IL5: variants seen among roughly 807,000 people sequenced by gnomAD.
IL5 encodes interleukin 5.
IL5 carries 12 observed loss-of-function variants against 16.3 expected under a neutral mutation model. The observed-to-expected ratio is 0.74, with a 90% CI of 0.47 to 1.20. The LOEUF (loss-of-function observed/expected upper bound fraction) is 1.20, where lower values mean the gene tolerates loss of function less well. IL5 is among the 50% of genes most tolerant of loss of function. The probability of loss-of-function intolerance (pLI) is 0.00; values close to 1 mark genes in which losing one functional copy is unlikely to be tolerated. For synonymous variants in IL5, 54 were observed against 56.6 expected (o/e 0.95, Z 0.21); for missense variants, 159 against 153.9 (o/e 1.03, Z -0.17).
At chr5:132,554,366 CAAAAA>C (rs70974050) in intron 1 of IL5, among the ~76,000 whole-genome samples, 3 of 80,980 alleles carry the variant, frequency 3.7e-5, no homozygotes, top group Non-Finnish European at 4.9e-5. Context: ...GACTCCATCT[CAAAAA>C]AAAAAAAAAA....
intron 1 of IL5, 35 bp downstream of exon 1, chr5:132,543,300 A>G: frequency 6.3e-7 from 1 of 1,580,490 alleles, no homozygotes; most frequent in Non-Finnish European, 8.7e-7. Context: ...TTACCTATGC[A>G]CTTTACAGAC....
chr5:132,542,425 G>T (rs1413898337), intron 2 of IL5, among the ~76,000 whole-genome samples: 1 of 152,056 alleles, frequency 6.6e-6, no homozygotes. Flanking sequence ...TTTTCAAAAA[G>T]TAGATGAAGC....
chr5:132,543,564 G>A (rs767003762), upstream of IL5: 31 of 1,362,144 alleles, frequency 2.3e-5, no homozygotes, highest in Non-Finnish European at 2.7e-5. Context: ...GTCTGTCTTT[G>A]AGGAAATGAA....
At chr5:132,545,917 CAAAA>C (rs933085461), upstream of IL5, among the ~76,000 whole-genome samples, 4 of 151,640 alleles carry the variant, frequency 2.6e-5, no homozygotes, top group African/African-American at 9.7e-5. Flanking sequence ...GAGACTGTCT[CAAAA>C]CAAACAAACA....
In IL5 at chr5:132,541,661, CAA is replaced by C. The variant is rs1749691503; in HGVS notation, c.*148_*149del. 1.9e-6 allele frequency: 1 copy of C among 513,564 alleles called. No homozygotes were observed. Among genetic ancestry groups the C allele is most frequent in the Non-Finnish European group, 3.4e-6 (1 of 291,894 alleles). 31.8% of individuals were successfully genotyped at this position (513,564 alleles called of 1,614,324 possible). ...ATTTTAAGAATTTTATGCTTTCTGG[CAA>C]AGTGTCAGTATGCCTGAAATATTTA... is the stretch of plus-strand genomic sequence containing the variant. On this transcript the variant is annotated 3_prime_UTR_variant, in exon 4 of 4. Coordinates refer to ENST00000231454, the MANE Select transcript of IL5 (RefSeq NM_000879.3).
rs780608901 is a variant in IL5, at chr5:132,541,846, C to T, written c.370G>A (p.Gly124Ser). Reference protein sequence around the residue: ...QFLDYLQEFLGVMNTEWIIES With the variant: ...QFLDYLQEFLSVMNTEWIIES ...ATTATCCACTCGGTGTTCATTACAC[C>T]AAGAAACTCTTGCAGGTAGTCTAGG... The change falls in exon 4 of 4, where the codon GGT (glycine) becomes AGT (serine). Residue 124 changes from glycine (G) to serine (S), a missense_variant. Coordinates refer to ENST00000231454, the MANE Select transcript of IL5 (RefSeq NM_000879.3). 1.9e-6 allele frequency: 3 copies of T among 1,613,674 alleles called. No individual in the cohort carries two copies. The highest frequency in any genetic ancestry group is 3.3e-5 in the Admixed American group (2 of 59,994).
intron 1 of IL5, among the ~76,000 whole-genome samples, chr5:132,555,101 G>A (rs1422903867): frequency 6.6e-6 from 1 of 152,162 alleles, no homozygotes; most frequent in Non-Finnish European, 1.5e-5. Flanking sequence ...GCTCCTATGA[G>A]AATCTAATGC....
rs557493714 is a variant in IL5 at position 132,552,136 on chromosome 5, G to C, written c.42+4538C>G. The stretch of plus-strand genomic sequence containing the variant: ...ATACAAAAATTAGCTGGGCTTGGTG[G>C]TGCACGCCTGTAGTCCCAGCTACTC... On this transcript the variant is annotated intron_variant, in intron 1 of 2. Transcript: ENST00000450655. Among the ~76,000 whole-genome samples the C allele has an allele frequency of 1.2e-3, 179 of 152,254 alleles. 1 individual carries two copies. The highest frequency in any genetic ancestry group is 3.4e-3 in the Middle Eastern group (1 of 294).
At chr5:132,547,337 TA>T (rs572562944), upstream of IL5, among the ~76,000 whole-genome samples, 12 of 152,202 alleles carry the variant, frequency 7.9e-5, no homozygotes, top group Non-Finnish European at 1.5e-4. Flanking sequence ...TTTGATGTGA[TA>T]AGAAAGGAAC....
chr5:132,542,295 A>G (rs936401610), intron 2 of IL5, 152 bp from the exon 3 acceptor site: 6 of 422,564 alleles, frequency 1.4e-5, no homozygotes, highest in Non-Finnish European at 2.4e-5. Context: ...AAAAATAATT[A>G]TTAAAACAAT....
At chr5:132,545,913 G>C (rs2706401), upstream of IL5, among the ~76,000 whole-genome samples, 30,586 of 151,702 alleles carry the variant, frequency 0.2, 3,179 homozygotes, top group South Asian at 0.23. Context: ...GAGTGAGACT[G>C]TCTCAAAACA....
At chr5:132,549,383 C>A (rs1053993006) in intron 1 of IL5, among the ~76,000 whole-genome samples, 3 of 151,970 alleles carry the variant, frequency 2.0e-5, no homozygotes, top group Admixed American at 6.6e-5. Context: ...CAGCTAGGAG[C>A]CTAAAGTAAC....
At chr5:132,555,656 TC>T (rs1749967977) in intron 1 of IL5, among the ~76,000 whole-genome samples, 1 of 152,072 alleles carries the variant, frequency 6.6e-6, no homozygotes, top group South Asian at 2.1e-4. Flanking sequence ...GCTGGGACCA[TC>T]GGCGCCTGCC....
At chr5:132,543,229 G>GTGAAT in intron 1 of IL5, 103 bp from the exon 2 acceptor site, 3 of 1,396,042 alleles carry the variant, frequency 2.1e-6, no homozygotes, top group Non-Finnish European at 3.0e-6. Flanking sequence ...GTACTAATGT[G>GTGAAT]CTCAGAATCT....
intron 1 of IL5, among the ~76,000 whole-genome samples, chr5:132,548,902 G>T (rs942076102): frequency 6.6e-6 from 1 of 152,132 alleles, no homozygotes; most frequent in Non-Finnish European, 1.5e-5. Flanking sequence ...TGATATTTTT[G>T]TGGCCAGAAA....
At chr5:132,553,649 G>A (rs1206132449) in intron 1 of IL5, among the ~76,000 whole-genome samples, 1 of 152,122 alleles carries the variant, frequency 6.6e-6, no homozygotes, top group Non-Finnish European at 1.5e-5. Context: ...AAATGGTCTT[G>A]GTGGTGGCCG....
chr5:132,554,149 C>T (rs1749932613), intron 1 of IL5, among the ~76,000 whole-genome samples: 1 of 151,702 alleles, frequency 6.6e-6, no homozygotes, highest in African/African-American at 2.4e-5. Context: ...GGGTGGATCA[C>T]AAGGTTAGGA....
upstream of IL5, among the ~76,000 whole-genome samples, chr5:132,545,489 G>GA (rs995608821): frequency 2.0e-5 from 3 of 151,838 alleles, no homozygotes; most frequent in Non-Finnish European, 2.9e-5. Context: ...TCCATCTCTA[G>GA]AAAAAATAAA....
rs765598687 is a variant in IL5, at chr5:132,543,496, C to T, written c.-18G>A. On this transcript the variant is annotated 5_prime_UTR_variant, in exon 1 of 4. Coordinates refer to ENST00000231454, the MANE Select transcript of IL5 (RefSeq NM_000879.3). ...ATCCTCATGGCTCTGAAACGTTCTGCGTTTGCCTTTGGCAAAGAAAGTGCA... is the reference window on the plus strand; with the variant it reads ...ATCCTCATGGCTCTGAAACGTTCTGTGTTTGCCTTTGGCAAAGAAAGTGCA... 19 of 1,611,406 alleles carry T rather than the reference C, an allele frequency of 1.2e-5. No individual in the cohort carries two copies. The Admixed American group carries it at 1.5e-4, about 13-fold the overall frequency.
Sources: gnomAD v4.1 joint callset for allele counts (sites outside exome capture counted in the v4.1 genomes callset) on GRCh38, gnomAD v4.1.1 for gene constraint, MANE v1.5 for transcripts, NCBI Gene and HGNC (gene_info 2026-07-23, HGNC 2026-07-21) for gene names.